CNKSR3: variants seen among roughly 807,000 people sequenced by gnomAD.
The protein encoded by CNKSR3 is CNKSR family member 3, also known as connector enhancer of kinase suppressor of ras 3.
CNKSR3 carries 36 observed loss-of-function variants against 67.7 expected under a neutral mutation model. The ratio of observed to expected loss-of-function variants is 0.53; its 90% CI spans 0.41 to 0.70. The LOEUF (loss-of-function observed/expected upper bound fraction) is 0.70, where lower values mean the gene tolerates loss of function less well. Ranked by LOEUF, CNKSR3 falls within the 30% of genes least tolerant of loss-of-function variation. The probability of loss-of-function intolerance (pLI) is 0.00; values close to 1 mark genes in which losing one functional copy is unlikely to be tolerated. For missense variants in CNKSR3, 630 were observed against 695.2 expected, an observed-to-expected ratio of 0.91 and a Z score of 1.05; for synonymous variants, 281 against 271.4, an observed-to-expected ratio of 1.04 and a Z score of -0.35.
chr6:154,457,120 G>A (rs888014070), intron 1 of CNKSR3, among the ~76,000 whole-genome samples: 3 of 152,128 alleles, frequency 2.0e-5, no homozygotes, highest in Non-Finnish European at 2.9e-5. Flanking sequence ...AACATGACAT[G>A]TTGCTAAGAA....
In CNKSR3 at chr6:154,409,881, C is replaced by CAAAAAAAAAAAAAA. The variant is rs56081008; in HGVS notation, c.1369+448_1369+461dup. ...CAACATATTGAGACTCTGTCTCTAC[C>CAAAAAAAAAAAAAA]AAAAAAAAAAAAAAAATTAGCCAGC... On this transcript the variant is annotated intron_variant, in intron 12 of 12. Coordinates refer to ENST00000607772, the MANE Select transcript of CNKSR3 (RefSeq NM_173515.4). 2.1e-4 allele frequency among the ~76,000 whole-genome samples: 26 copies of CAAAAAAAAAAAAAA among 126,616 alleles called. 1 individual carries two copies. The East Asian group carries it at 4.4e-3, about 22-fold the overall frequency. 83.1% of individuals were successfully genotyped at this position (126,616 alleles called of 152,430 possible). A position where few individuals can be genotyped will look rare whatever the true frequency, so the allele number is the denominator to read the frequency against.
intron 1 of CNKSR3, among the ~76,000 whole-genome samples, chr6:154,477,357 C>T (rs1032200871): frequency 3.3e-5 from 5 of 152,008 alleles, no homozygotes; most frequent in African/African-American, 1.2e-4. Context: ...GTGACCCAGG[C>T]TGGAGAGCAG....
chr6:154,454,104 C>CACAGAGAGAG (rs1268729108), intron 1 of CNKSR3, among the ~76,000 whole-genome samples: 3 of 116,290 alleles, frequency 2.6e-5, no homozygotes, highest in Admixed American at 8.7e-5. Flanking sequence ...CACACACACA[C>CACAGAGAGAG]AGAGAGAGAG....
Position 154,437,506 on chromosome 6 carries a change from C to T in CNKSR3, c.507+3786G>A, listed in dbSNP as rs1167084693. 5.3e-5 allele frequency among the ~76,000 whole-genome samples: 8 copies of T among 150,912 alleles called. No homozygotes were observed. The South Asian group carries it at 1.3e-3, about 24-fold the overall frequency. On this transcript the variant is annotated intron_variant, in intron 4 of 12. Transcript: ENST00000607772. The stretch of plus-strand genomic sequence containing the variant: ...TTGGCTGACTGCAACCTCCGCCTCC[C>T]AGGTTCAAGTGATTCTCCTGCCTTA...
Position 154,415,227 on chromosome 6 carries a change from C to CTTTTTTTT in CNKSR3, c.946-805_946-804insAAAAAAAA, listed in dbSNP as rs773533317. Among the ~76,000 whole-genome samples, 31 of 112,776 alleles carry CTTTTTTTT rather than the reference C, an allele frequency of 2.7e-4. 5 individuals are homozygous for CTTTTTTTT. The highest frequency in any genetic ancestry group is 3.1e-4 in the Non-Finnish European group (18 of 57,592). The allele number at this position is 112,776 out of a possible 152,430, so 74.0% of individuals were successfully genotyped here. On this transcript the variant is annotated intron_variant, in intron 9 of 12. Transcript: ENST00000607772. ...ATCCTGGCTAGACTTACTAGCTGCC[C>CTTTTTTTT]ATTTTTTTTTTTTTTTTTTTTAAGA... is the stretch of plus-strand genomic sequence containing the variant.
intron 1 of CNKSR3, among the ~76,000 whole-genome samples, chr6:154,486,595 C>T (rs969715439): frequency 1.4e-5 from 2 of 143,056 alleles, no homozygotes; most frequent in Admixed American, 1.3e-4. Flanking sequence ...TGGGTTCCAG[C>T]AATTCTCCTG....
chr6:154,448,826 G>A (rs112842563), intron 2 of CNKSR3, among the ~76,000 whole-genome samples: 17 of 152,256 alleles, frequency 1.1e-4, no homozygotes, highest in South Asian at 2.1e-4. Context: ...TCAACAGTAC[G>A]CAGACCAGCG....
At chr6:154,501,254 C>T (rs1223809287) in intron 1 of CNKSR3, among the ~76,000 whole-genome samples, 1 of 152,226 alleles carries the variant, frequency 6.6e-6, no homozygotes, top group Non-Finnish European at 1.5e-5. Context: ...ACACCATCGC[C>T]TCCAGAATAC....
At chr6:154,480,567 GCTTACTA>G (rs1786545784) in intron 1 of CNKSR3, among the ~76,000 whole-genome samples, 1 of 152,186 alleles carries the variant, frequency 6.6e-6, no homozygotes, top group Admixed American at 6.5e-5. Context: ...ATTAGTCAAT[GCTTACTA>G]CATGGATGAA....
chr6:154,475,329 C>G lies in CNKSR3; in HGVS notation c.53-25071G>C, dbSNP rs563357619. 3.3e-5 allele frequency among the ~76,000 whole-genome samples: 5 copies of G among 152,204 alleles called. 1 individual carries two copies. Among genetic ancestry groups the G allele is most frequent in the South Asian group, 2.1e-4 (1 of 4,818 alleles). On this transcript the variant is annotated intron_variant, in intron 1 of 12. Coordinates refer to ENST00000607772, the MANE Select transcript of CNKSR3 (RefSeq NM_173515.4). ...GTCCCTCCTGGCCACCATCTCTCCC[C>G]CTGGGCGCCCTTCCCTCCCCTTCTC...
Position 154,446,241 on chromosome 6 carries a change from AGTC to A in CNKSR3, c.216+3851_216+3853del, listed in dbSNP as rs560748944. ...TAAATGGGAGAAAAGGAAAGCAAAA[AGTC>A]TTAAAATTATACACATTTAGCTAAG... On this transcript the variant is annotated intron_variant, in intron 2 of 12. Transcript: ENST00000607772. Among the ~76,000 whole-genome samples the A allele has an allele frequency of 2.0e-4, 30 of 152,294 alleles. No homozygotes were observed. The South Asian group carries it at 6.0e-3, about 31-fold the overall frequency.
At chr6:154,415,116 A>AAAAC (rs1483713321) in intron 9 of CNKSR3, among the ~76,000 whole-genome samples, 37,989 of 144,584 alleles carry the variant, frequency 0.26, 5,918 homozygotes, top group Non-Finnish European at 0.34. Context: ...AAAAAAAAAA[A>AAAAC]AAAAAACAAG....
Position 154,405,150 on chromosome 6 carries a change from T to C in CNKSR3, c.*1204A>G, listed in dbSNP as rs1784762071. 1 of 152,538 alleles carries C rather than the reference T, an allele frequency of 6.6e-6. No homozygotes were observed. Among genetic ancestry groups the C allele is most frequent in the Non-Finnish European group, 1.5e-5 (1 of 68,028 alleles). The allele number at this position is 152,538 out of a possible 1,614,324, so 9.4% of individuals were successfully genotyped here. A position where few individuals can be genotyped will look rare whatever the true frequency, so the allele number is the denominator to read the frequency against. On this transcript the variant is annotated 3_prime_UTR_variant, in exon 13 of 13. Coordinates refer to ENST00000607772, the MANE Select transcript of CNKSR3 (RefSeq NM_173515.4). Reference sequence around the variant, plus strand: ...TCTAATCCATAAAATCCCAAAATGCTTGGGAGGGTTTATTTTGATTTTTTT... The same window carrying C: ...TCTAATCCATAAAATCCCAAAATGCCTGGGAGGGTTTATTTTGATTTTTTT...
chr6:154,509,519 T>G (rs1787170384), intron 1 of CNKSR3, among the ~76,000 whole-genome samples: 1 of 152,234 alleles, frequency 6.6e-6, no homozygotes, highest in East Asian at 1.9e-4. Flanking sequence ...AATGCTATGG[T>G]GTTGGCTTTT....
chr6:154,411,064 G>C lies in CNKSR3; in HGVS notation c.1149C>G (p.Ser383=). 6.2e-7 allele frequency: 1 copy of C among 1,614,018 alleles called. No homozygotes were observed. The highest frequency in any genetic ancestry group is 1.7e-4 in the Middle Eastern group (1 of 6,060). ...TTTCCTGGTCCAAGAAGGAATTCGG[G>C]GACTCTGAACCCTTAGGACCAGGCA... The part of the protein sequence containing the change: ...QPLPGPKGSE[S]PNSFLDQESR... The change falls in exon 11 of 13, where the codon TCC becomes TCG. Residue 383 remains serine (S), a synonymous_variant. Coordinates refer to ENST00000607772, the MANE Select transcript of CNKSR3 (RefSeq NM_173515.4).
intron 1 of CNKSR3, among the ~76,000 whole-genome samples, chr6:154,500,043 T>G (rs1786950501): frequency 6.6e-6 from 1 of 151,472 alleles, no homozygotes; most frequent in Non-Finnish European, 1.5e-5. Flanking sequence ...AGTTTAAGAC[T>G]CCAGTTGGTA....
At chr6:154,484,815 T>G in intron 1 of CNKSR3, among the ~76,000 whole-genome samples, 1 of 146,982 alleles carries the variant, frequency 6.8e-6, no homozygotes, top group African/African-American at 2.5e-5. Context: ...AATCAATTGT[T>G]ACCATCTGGA....
intron 1 of CNKSR3, among the ~76,000 whole-genome samples, chr6:154,451,471 G>GCA (rs201555623): frequency 0.016 from 1,556 of 95,100 alleles, 29 homozygotes; most frequent in African/African-American, 0.068. Context: ...CCCACCAAAC[G>GCA]CGCACACACA....
chr6:154,410,875 G>A (rs937593534), intron 11 of CNKSR3, 59 bp downstream of exon 11: 1 of 1,340,010 alleles, frequency 7.5e-7, no homozygotes, highest in Non-Finnish European at 1.0e-6. Context: ...AACTAAGGCA[G>A]GGGGCGGGGA....
Sources: allele counts gnomAD v4.1 joint callset (sites outside exome capture counted in the v4.1 genomes callset), GRCh38; gene constraint gnomAD v4.1.1; transcripts MANE v1.5; gene names NCBI Gene and HGNC (gene_info 2026-07-23, HGNC 2026-07-21).